The following KCNB2 variants were observed in gnomAD, a reference collection of about 807,000 sequenced individuals.
KCNB2 encodes potassium voltage-gated channel subfamily B member 2.
Under a neutral mutation model 61.5 loss-of-function variants are expected in KCNB2, and 15 were observed. That is an observed-to-expected ratio of 0.24 (90% confidence interval 0.16 to 0.38). KCNB2 has a LOEUF of 0.38. KCNB2 is among the 10% of genes least tolerant of loss of function. The pLI is 1.00. For missense variants in KCNB2, 828 were observed against 1,125.2 expected, an observed-to-expected ratio of 0.74 and a Z score of 3.78; for synonymous variants, 457 against 446.0, an observed-to-expected ratio of 1.02 and a Z score of -0.31.
chr8:72,904,892 CA>C (rs1806149207), intron 2 of KCNB2, among the ~76,000 whole-genome samples: 1 of 151,944 alleles, frequency 6.6e-6, no homozygotes, highest in Non-Finnish European at 1.5e-5. Flanking sequence ...CACAAGAATA[CA>C]GTATCCAGGA....
At chr8:72,758,140 G>A (rs1174694909) in intron 2 of KCNB2, among the ~76,000 whole-genome samples, 1 of 152,188 alleles carries the variant, frequency 6.6e-6, no homozygotes, top group Non-Finnish European at 1.5e-5. Context: ...TGAGCAAAAG[G>A]GGGCAGGAGT....
chr8:72,888,059 A>G (rs940491547), intron 2 of KCNB2, among the ~76,000 whole-genome samples: 5 of 152,136 alleles, frequency 3.3e-5, no homozygotes, highest in African/African-American at 1.2e-4. Flanking sequence ...GCACATAATC[A>G]TCTCTTGATA....
At chr8:72,641,512 C>T (rs1806055063) in intron 2 of KCNB2, among the ~76,000 whole-genome samples, 1 of 151,966 alleles carries the variant, frequency 6.6e-6, no homozygotes, top group African/African-American at 2.4e-5. Flanking sequence ...TCCTTTTAGC[C>T]TTTGTTTCTA....
At chr8:72,923,707 TAGTC>T (rs10565663) in intron 2 of KCNB2, among the ~76,000 whole-genome samples, 18,733 of 152,080 alleles carry the variant, frequency 0.12, 1,555 homozygotes, top group African/African-American at 0.24. Flanking sequence ...TTATTGAAAT[TAGTC>T]AGCAACATGC....
intron 2 of KCNB2, among the ~76,000 whole-genome samples, chr8:72,647,489 A>G (rs1229279621): frequency 6.6e-6 from 1 of 152,158 alleles, no homozygotes; most frequent in Non-Finnish European, 1.5e-5. Context: ...ACACCTACTC[A>G]GAGTTATAAA....
chr8:72,556,091 G>A (rs1308859407), intron 1 of KCNB2, among the ~76,000 whole-genome samples: 4 of 152,064 alleles, frequency 2.6e-5, no homozygotes, highest in African/African-American at 7.2e-5. Context: ...TCTGGTACAA[G>A]TCACGTGAAC....
chr8:72,938,221 T>G lies in KCNB2; in HGVS notation c.*130T>G, dbSNP rs1806973181. On this transcript the variant is annotated 3_prime_UTR_variant, in exon 3 of 3. Coordinates refer to ENST00000523207, the MANE Select transcript of KCNB2 (RefSeq NM_004770.3). The stretch of plus-strand genomic sequence containing the variant: ...CCCAAAAAAAGTGCATAAAATGTTA[T>G]TTTTGCATGGCATGAACAGTTTAGC... The G allele has an allele frequency of 1.4e-6, 1 of 690,322 alleles. No individual in the cohort carries two copies. Among genetic ancestry groups the G allele is most frequent in the African/African-American group, 1.8e-5 (1 of 55,298 alleles). The allele number at this position is 690,322 out of a possible 1,614,324, so 42.8% of individuals were successfully genotyped here.
chr8:72,605,191 T>A (rs1033076251), intron 2 of KCNB2, among the ~76,000 whole-genome samples: 2 of 152,184 alleles, frequency 1.3e-5, no homozygotes, highest in African/African-American at 4.8e-5. Flanking sequence ...CAGGAAGAAA[T>A]GCAACGCCCC....
chr8:72,934,154 G>A (rs1394268806), intron 2 of KCNB2, among the ~76,000 whole-genome samples: 2 of 152,042 alleles, frequency 1.3e-5, no homozygotes, highest in East Asian at 1.9e-4. Context: ...GCCGAAGCAG[G>A]TGGATCACAA....
chr8:72,925,490 A>C (rs1349193412), intron 2 of KCNB2, among the ~76,000 whole-genome samples: 1 of 152,226 alleles, frequency 6.6e-6, no homozygotes, highest in African/African-American at 2.4e-5. Context: ...TCATTTTCTC[A>C]TGTACCAATG....
intron 2 of KCNB2, among the ~76,000 whole-genome samples, chr8:72,882,345 A>C (rs1305206392): frequency 1.3e-5 from 2 of 152,186 alleles, no homozygotes; most frequent in East Asian, 3.8e-4. Flanking sequence ...AATGCAAGTA[A>C]GTGAGGAAGT....
At chr8:72,584,503 C>G (rs1452846308) in intron 2 of KCNB2, among the ~76,000 whole-genome samples, 2 of 151,998 alleles carry the variant, frequency 1.3e-5, no homozygotes, top group Non-Finnish European at 2.9e-5. Context: ...AAAACTCTTA[C>G]CTTTTACTAC....
At chr8:72,766,388 T>C (rs1466612340) in intron 2 of KCNB2, among the ~76,000 whole-genome samples, 2 of 152,210 alleles carry the variant, frequency 1.3e-5, no homozygotes, top group Non-Finnish European at 2.9e-5. Flanking sequence ...ACAAGAGAAT[T>C]TGTGGTCCAC....
chr8:72,552,499 T>C (rs1408241852), intron 1 of KCNB2, among the ~76,000 whole-genome samples: 1 of 152,208 alleles, frequency 6.6e-6, no homozygotes, highest in East Asian at 1.9e-4. Flanking sequence ...GCTACCATGC[T>C]AGATAGTATA....
chr8:72,638,242 T>C (rs1805998461), intron 2 of KCNB2, among the ~76,000 whole-genome samples: 1 of 152,140 alleles, frequency 6.6e-6, no homozygotes, highest in Admixed American at 6.6e-5. Flanking sequence ...TTCTGTCCTT[T>C]CTTCTTTTTC....
intron 1 of KCNB2, among the ~76,000 whole-genome samples, chr8:72,557,719 C>T (rs1364800515): frequency 4.6e-5 from 7 of 152,196 alleles, no homozygotes; most frequent in Non-Finnish European, 1.0e-4. Flanking sequence ...AGGAGCTTCT[C>T]TTGTGCATAC....
chr8:72,937,129 G>A lies in KCNB2; in HGVS notation c.1774G>A (p.Glu592Lys), dbSNP rs1163367178. The change falls in exon 3 of 3, where the codon GAG (glutamate) becomes AAG (lysine). Residue 592 changes from glutamate (E) to lysine (K), a missense_variant. Coordinates refer to ENST00000523207, the MANE Select transcript of KCNB2 (RefSeq NM_004770.3). ...GGAGCAGCTGGCCGTGGCACAGACC[G>A]AGGTCATTGTGGACATGAAGAGCAC... Reference protein sequence around the residue: ...PQEQLAVAQTEVIVDMKSTSS... With the variant: ...PQEQLAVAQTKVIVDMKSTSS... 1.2e-6 allele frequency: 2 copies of A among 1,614,148 alleles called. No homozygotes were observed. The highest frequency in any genetic ancestry group is 8.5e-7 in the Non-Finnish European group (1 of 1,180,022).
chr8:72,757,647 G>GT (rs1380172877), intron 2 of KCNB2, among the ~76,000 whole-genome samples: 2 of 151,490 alleles, frequency 1.3e-5, no homozygotes, highest in Non-Finnish European at 2.9e-5. Flanking sequence ...TTATGTGCGT[G>GT]TGTGTGTGTG....
chr8:72,770,734 G>C (rs1585883539), intron 2 of KCNB2, among the ~76,000 whole-genome samples: 1 of 152,154 alleles, frequency 6.6e-6, no homozygotes, highest in East Asian at 1.9e-4. Context: ...CAAATTAAGT[G>C]CTCAATAAAT....
Sources: gnomAD v4.1 joint callset for allele counts (sites outside exome capture counted in the v4.1 genomes callset) on GRCh38, gnomAD v4.1.1 for gene constraint, MANE v1.5 for transcripts, NCBI Gene and HGNC (gene_info 2026-07-23, HGNC 2026-07-21) for gene names.